Variants in AFG2A observed in about 807,000 individuals in gnomAD.
The protein encoded by AFG2A is ATPase family gene 2 protein homolog A.
chr4:123,221,314 C>T, the AFG2A span, among the ~76,000 whole-genome samples: 1 of 152,104 alleles, frequency 6.6e-6, no homozygotes, highest in African/African-American at 2.4e-5. Context: ...CATCACCATA[C>T]TCGGGAAATT....
At chr4:123,162,836 G>T in the AFG2A span, among the ~76,000 whole-genome samples, 1 of 152,078 alleles carries the variant, frequency 6.6e-6, no homozygotes, top group Admixed American at 6.5e-5. Context: ...CTGGGTCATG[G>T]TTTAATCATC....
the AFG2A span, among the ~76,000 whole-genome samples, chr4:123,085,813 T>G: frequency 6.6e-6 from 1 of 152,134 alleles, no homozygotes; most frequent in Non-Finnish European, 1.5e-5. Context: ...ATTGAGCATT[T>G]TATGTTATTT....
chr4:122,936,206 G>A, the AFG2A span: 2 of 1,445,020 alleles, frequency 1.4e-6, no homozygotes, highest in African/African-American at 1.4e-5. Flanking sequence ...GGCTGTATTA[G>A]TCAAAGTGAG....
the AFG2A span, among the ~76,000 whole-genome samples, chr4:123,067,527 A>T: frequency 2.0e-5 from 3 of 152,242 alleles, no homozygotes; most frequent in African/African-American, 7.2e-5. Flanking sequence ...CCCCAAAAAA[A>T]AGAAAGAGAG....
At chr4:122,945,393 T>C in the AFG2A span, among the ~76,000 whole-genome samples, 1 of 152,216 alleles carries the variant, frequency 6.6e-6, no homozygotes, top group African/African-American at 2.4e-5. Flanking sequence ...CAGTTTGATC[T>C]CAGACTGCTG....
At chr4:123,269,280 G>A in the AFG2A span, among the ~76,000 whole-genome samples, 4 of 152,094 alleles carry the variant, frequency 2.6e-5, no homozygotes, top group Admixed American at 6.6e-5. Flanking sequence ...CCTCCTGCCC[G>A]GGCATGCTGC....
the AFG2A span, among the ~76,000 whole-genome samples, chr4:123,093,706 CAT>C: frequency 6.6e-6 from 1 of 152,194 alleles, no homozygotes; most frequent in African/African-American, 2.4e-5. Context: ...ATTTTATAAA[CAT>C]AGGCTCTGCC....
the AFG2A span, among the ~76,000 whole-genome samples, chr4:122,975,716 G>A: frequency 3.3e-5 from 5 of 152,128 alleles, no homozygotes; most frequent in South Asian, 6.2e-4. Context: ...TCTATCCTTT[G>A]CTTTGGAGAG....
At chr4:123,099,407 A>G in the AFG2A span, among the ~76,000 whole-genome samples, 1 of 151,626 alleles carries the variant, frequency 6.6e-6, no homozygotes, top group Non-Finnish European at 1.5e-5. Flanking sequence ...TTTTGAGGTC[A>G]TGTTCAAAAA....
the AFG2A span, chr4:122,923,222 G>T: frequency 1.9e-6 from 3 of 1,614,056 alleles, no homozygotes; most frequent in Admixed American, 5.0e-5. Context: ...GCTTCCTCTT[G>T]TGCGGAGGCA....
the AFG2A span, among the ~76,000 whole-genome samples, chr4:123,084,345 C>T: frequency 6.6e-6 from 1 of 151,680 alleles, no homozygotes; most frequent in African/African-American, 2.4e-5. Context: ...TTTCGTTCTG[C>T]TTACTTTAGC....
the AFG2A span, among the ~76,000 whole-genome samples, chr4:123,129,410 A>G: frequency 1.1e-4 from 17 of 152,302 alleles, no homozygotes; most frequent in African/African-American, 4.1e-4. Context: ...CTTAGCTACA[A>G]GGTAATATTC....
the AFG2A span, among the ~76,000 whole-genome samples, chr4:123,112,192 T>A: frequency 6.6e-6 from 1 of 152,214 alleles, no homozygotes; most frequent in African/African-American, 2.4e-5. Context: ...TACTCTTCCT[T>A]GATTTTGGAA....
chr4:123,044,497 T>C, the AFG2A span, among the ~76,000 whole-genome samples: 13 of 152,190 alleles, frequency 8.5e-5, no homozygotes, highest in Admixed American at 4.6e-4. Flanking sequence ...AGCTTCACCA[T>C]AAATTTGCTT....
the AFG2A span, among the ~76,000 whole-genome samples, chr4:122,996,390 T>G: frequency 6.6e-6 from 1 of 152,274 alleles, no homozygotes; most frequent in Admixed American, 6.5e-5. Context: ...GAGTGGATAT[T>G]TTGTGAAGCA....
At chr4:123,132,408 A>G in the AFG2A span, among the ~76,000 whole-genome samples, 4 of 151,704 alleles carry the variant, frequency 2.6e-5, no homozygotes, top group African/African-American at 9.7e-5. Context: ...GGCTTATTTC[A>G]CTTAGCGTGA....
chr4:122,937,635 G>A, the AFG2A span, among the ~76,000 whole-genome samples: 1 of 152,186 alleles, frequency 6.6e-6, no homozygotes, highest in Non-Finnish European at 1.5e-5. Flanking sequence ...TTTTGTTGTT[G>A]TTGTGTTCAT....
At chr4:123,093,523 C>A in the AFG2A span, among the ~76,000 whole-genome samples, 53 of 152,324 alleles carry the variant, frequency 3.5e-4, no homozygotes, top group Non-Finnish European at 6.9e-4. Flanking sequence ...TGGCCAGTTT[C>A]TTCACTTTGC....
chr4:123,203,022 CT>C, the AFG2A span, among the ~76,000 whole-genome samples: 90,781 of 151,906 alleles, frequency 0.6, 28,707 homozygotes, highest in Non-Finnish European at 0.69. Context: ...GACTCCATCT[CT>C]TAAGTAAATA....
Sources: gnomAD v4.1 joint callset for allele counts (sites outside exome capture counted in the v4.1 genomes callset) on GRCh38, gnomAD v4.1.1 for gene constraint, MANE v1.5 for transcripts, NCBI Gene and HGNC (gene_info 2026-07-23, HGNC 2026-07-21) for gene names.